The following COL6A5 variants were observed in gnomAD, a reference collection of about 807,000 sequenced individuals.
The protein encoded by COL6A5 is collagen type VI alpha 5 chain.
In COL6A5, 48 loss-of-function variants were observed where a neutral mutation model predicts 65.6. That is an observed-to-expected ratio of 0.73 (90% CI 0.58 to 0.93). COL6A5 has a LOEUF of 0.93. COL6A5 is among the 40% of genes least tolerant of loss of function. The pLI is 0.00. For synonymous variants in COL6A5, 291 were observed against 322.8 expected (o/e 0.90, Z 1.05); for missense variants, 914 against 928.3 (o/e 0.98, Z 0.20).
chr3:130,420,327 G>A (rs1308127608), intron 25 of COL6A5, among the ~76,000 whole-genome samples: 2 of 152,012 alleles, frequency 1.3e-5, no homozygotes, highest in Non-Finnish European at 2.9e-5. Context: ...TGTATCGTGA[G>A]CATATTTTCA....
intron 2 of COL6A5, 149 bp downstream of exon 2, chr3:130,373,854 G>A: frequency 3.3e-6 from 2 of 607,058 alleles, no homozygotes; most frequent in Non-Finnish European, 5.8e-6. Context: ...AACTTAACTT[G>A]TGAAAGACAG....
At chr3:130,409,240 AC>A (rs1559886215) in intron 17 of COL6A5, 85 bp from the exon 18 acceptor site, 3 of 941,210 alleles carry the variant, frequency 3.2e-6, no homozygotes, top group South Asian at 1.9e-5. Context: ...TATCTGATTA[AC>A]CCCCCTACAT....
chr3:130,404,137 G>A (rs191893754), intron 13 of COL6A5, among the ~76,000 whole-genome samples: 43 of 152,274 alleles, frequency 2.8e-4, no homozygotes, highest in Admixed American at 1.0e-3. Flanking sequence ...AAGGGAAGTC[G>A]GCAAAGCATC....
chr3:130,378,499 T>C (rs1935868976), intron 3 of COL6A5, among the ~76,000 whole-genome samples: 1 of 152,164 alleles, frequency 6.6e-6, no homozygotes, highest in Non-Finnish European at 1.5e-5. Flanking sequence ...CATTGTTTCT[T>C]AATTATTATC....
chr3:130,362,272 T>TCTC (rs1553744426), intron 1 of COL6A5, among the ~76,000 whole-genome samples: 2 of 14,624 alleles, frequency 1.4e-4, no homozygotes, highest in African/African-American at 3.3e-4. Context: ...CTCTCTCTCT[T>TCTC]TGTCTCTGTC....
chr3:130,437,286 A>T (rs1709054945), intron 1 of COL6A5, among the ~76,000 whole-genome samples: 2 of 152,132 alleles, frequency 1.3e-5, no homozygotes, highest in South Asian at 4.1e-4. Flanking sequence ...TCATTTAAGT[A>T]CTAGTATTAA....
intron 7 of COL6A5, among the ~76,000 whole-genome samples, chr3:130,472,205 A>G (rs901229692): frequency 6.6e-6 from 1 of 152,118 alleles, no homozygotes; most frequent in African/African-American, 2.4e-5. Flanking sequence ...GCAGGTCTCA[A>G]GTAAGCAGGA....
At chr3:130,351,384 AAATGGGAGAG>A (rs1269378095) in intron 1 of COL6A5, among the ~76,000 whole-genome samples, 1 of 152,196 alleles carries the variant, frequency 6.6e-6, no homozygotes, top group Non-Finnish European at 1.5e-5. Context: ...GCAACCTACA[AAATGGGAGAG>A]AATTTTTGCA....
intron 1 of COL6A5, among the ~76,000 whole-genome samples, chr3:130,371,215 T>C (rs1258682279): frequency 2.0e-5 from 3 of 152,004 alleles, no homozygotes; most frequent in African/African-American, 7.2e-5. Context: ...TAATGGATTG[T>C]AAAACAATAT....
rs1416442110 is a variant in COL6A5 at position 130,379,723 on chromosome 3, G to A, written c.973G>A (p.Gly325Ser). ...TGCCATTGATCAGATGAGAAGAGAC[G>A]GCTTCTCAGAGTCATATGGCAGCAG... The change falls in exon 4 of 42, where the codon GGC becomes AGC. Residue 325 changes from glycine (G) to serine (S), a missense_variant and NMD_transcript_variant. Transcript: ENST00000312481. The A allele has an allele frequency of 2.4e-5, 37 of 1,551,240 alleles. No individual in the cohort carries two copies. The African/African-American group carries it at 3.2e-4, about 13-fold the overall frequency.
chr3:130,407,985 G>A (rs1937049538), intron 17 of COL6A5, among the ~76,000 whole-genome samples: 2 of 152,068 alleles, frequency 1.3e-5, no homozygotes. Flanking sequence ...ATCTTTGTAA[G>A]CTGAGGATAT....
chr3:130,468,911 G>C (rs756244208), exon 6 of COL6A5: 1 of 1,612,464 alleles, frequency 6.2e-7, no homozygotes, highest in Non-Finnish European at 8.5e-7. Context: ...CCAAAGAGTA[G>C]GAAGTGATGA....
chr3:130,439,600 T>A (rs771543982), exon 2 of COL6A5: 1 of 1,550,908 alleles, frequency 6.4e-7, no homozygotes, highest in Non-Finnish European at 8.7e-7. Flanking sequence ...ACTTCGGCGC[T>A]GTGCACTTTG....
intron 7 of COL6A5, 98 bp from the exon 40 acceptor site, chr3:130,471,584 T>G: frequency 8.8e-7 from 1 of 1,137,544 alleles, no homozygotes; most frequent in South Asian, 1.6e-5. Context: ...ATCACATACA[T>G]AAAATGGATT....
intron 1 of COL6A5, among the ~76,000 whole-genome samples, chr3:130,438,712 G>A (rs1398878686): frequency 6.6e-6 from 1 of 152,114 alleles, no homozygotes; most frequent in Non-Finnish European, 1.5e-5. Flanking sequence ...GAACATCTTT[G>A]TTGATGGAGA....
chr3:130,404,947 G>C (rs59725050), intron 13 of COL6A5, among the ~76,000 whole-genome samples: 1 of 152,288 alleles, frequency 6.6e-6, no homozygotes, highest in Admixed American at 6.5e-5. Flanking sequence ...GCACAAAATT[G>C]TTCCTTTCTT....
chr3:130,454,791 A>G (rs1184710633), intron 4 of COL6A5, among the ~76,000 whole-genome samples: 1 of 152,144 alleles, frequency 6.6e-6, no homozygotes, highest in Non-Finnish European at 1.5e-5. Context: ...ATTGGTATCA[A>G]TCTGAGATAT....
intron 12 of COL6A5, among the ~76,000 whole-genome samples, chr3:130,402,772 A>G (rs1473157340): frequency 1.3e-5 from 2 of 152,178 alleles, no homozygotes; most frequent in Non-Finnish European, 2.9e-5. Context: ...ATTGTTCTAT[A>G]AAGTTACTTT....
In COL6A5 at chr3:130,373,686, A is replaced by T. The variant is rs1232831823; in HGVS notation, c.48A>T (p.Thr16=). ...TTGTCCTAATCATTTGGACTGAAAC[A>T]TTGGCAGACCAGAGCCCAGGTATCA... The change falls in exon 2 of 42, where the codon ACA becomes ACT. Residue 16 remains threonine, a synonymous_variant and NMD_transcript_variant. Coordinates refer to the COL6A5 transcript ENST00000312481. 2 of 1,541,422 alleles carry T rather than the reference A, an allele frequency of 1.3e-6. 1 individual carries two copies.
Sources: gnomAD v4.1 joint callset for allele counts (sites outside exome capture counted in the v4.1 genomes callset) on GRCh38, gnomAD v4.1.1 for gene constraint, MANE v1.5 for transcripts, NCBI Gene and HGNC (gene_info 2026-07-23, HGNC 2026-07-21) for gene names.